PHF21B: variants seen among roughly 807,000 people sequenced by gnomAD.
The protein encoded by PHF21B is PHD finger protein 4.
In PHF21B, 22 loss-of-function variants were observed where a neutral mutation model predicts 62.2. The observed-to-expected ratio is 0.35, with a 90% CI of 0.25 to 0.51. The LOEUF (loss-of-function observed/expected upper bound fraction) is 0.51, where lower values mean the gene tolerates loss of function less well. Among genes scored for constraint, PHF21B ranks in the 20% least tolerant of loss-of-function variants. The pLI is 0.97. For missense variants in PHF21B, 701 were observed against 707.9 expected (o/e 0.99, Z 0.11); for synonymous variants, 341 against 314.7 (o/e 1.08, Z -0.88).
At chr22:44,921,371 CTTTTTTTTTTT>C (rs2071533346) in intron 2 of PHF21B, among the ~76,000 whole-genome samples, 18 of 135,046 alleles carry the variant, frequency 1.3e-4, no homozygotes, top group South Asian at 9.5e-4. Context: ...TTTTTTTTTT[CTTTTTTTTTTT>C]CTTGAGACGG....
At chr22:44,951,271 A>C (rs1352630066) in intron 2 of PHF21B, among the ~76,000 whole-genome samples, 2 of 152,286 alleles carry the variant, frequency 1.3e-5, no homozygotes, top group East Asian at 1.9e-4. Flanking sequence ...TTAGATTCTC[A>C]TAAGGAGTGC....
At chr22:44,887,071 G>A (rs1033792026) in intron 10 of PHF21B, among the ~76,000 whole-genome samples, 3 of 149,860 alleles carry the variant, frequency 2.0e-5, no homozygotes, top group Non-Finnish European at 4.4e-5. Flanking sequence ...CAGGAGAATC[G>A]CTTGAACCCA....
At chr22:44,998,926 T>G (rs1281438705) in intron 2 of PHF21B, among the ~76,000 whole-genome samples, 3 of 152,156 alleles carry the variant, frequency 2.0e-5, no homozygotes, top group Non-Finnish European at 4.4e-5. Context: ...GGACCCAGCC[T>G]GGCCTGCCCC....
Position 44,920,434 on chromosome 22 carries a change from C to G in PHF21B, c.177G>C (p.Gln59His), listed in dbSNP as rs780671181. The G allele has an allele frequency of 6.2e-7, 1 of 1,612,908 alleles. No individual in the cohort carries two copies. Among genetic ancestry groups the G allele is most frequent in the African/African-American group, 1.3e-5 (1 of 75,030 alleles). The change falls in exon 3 of 13, where the codon CAG becomes CAC. Residue 59 changes from glutamine (Q) to histidine (H), a missense_variant. Transcript: ENST00000313237. ...CTGCCGCTCCTTGCCCGGCCAACCT[C>G]TGCAAGGAGCTGACCTGAGGACCCG... is the stretch of plus-strand genomic sequence containing the variant. The part of the protein sequence containing the change: ...PVTGPQVSSL[Q>H]RLAGQGAAVL...
At chr22:44,981,546 G>A (rs1057214581) in intron 2 of PHF21B, among the ~76,000 whole-genome samples, 1 of 152,220 alleles carries the variant, frequency 6.6e-6, no homozygotes, top group Non-Finnish European at 1.5e-5. Flanking sequence ...AGGGAAATGT[G>A]ACTTTCCTGA....
intron 2 of PHF21B, among the ~76,000 whole-genome samples, chr22:44,983,375 G>A (rs1025773747): frequency 6.6e-6 from 1 of 152,174 alleles, no homozygotes; most frequent in Non-Finnish European, 1.5e-5. Flanking sequence ...GGCTCTTAGG[G>A]AGGTCCAGCT....
chr22:44,908,167 G>A (rs1272417503), intron 5 of PHF21B, among the ~76,000 whole-genome samples: 7 of 152,168 alleles, frequency 4.6e-5, no homozygotes, highest in African/African-American at 1.7e-4. Flanking sequence ...CTGACCAAAG[G>A]CAGAGATGGC....
chr22:44,950,812 C>T (rs57718555), intron 2 of PHF21B, among the ~76,000 whole-genome samples: 1,917 of 152,280 alleles, frequency 0.013, 51 homozygotes, highest in African/African-American at 0.044. Flanking sequence ...TGCTGTTTCA[C>T]CATTGGGCCT....
At position 44,882,560 on chromosome 22, in the gene PHF21B, G is replaced by T. The variant is rs1014635793; in HGVS notation, c.*526C>A. The T allele has an allele frequency of 1.5e-5, 2 of 133,166 alleles. No individual in the cohort carries two copies. The highest frequency in any genetic ancestry group is 3.3e-5 in the Non-Finnish European group (2 of 60,106). The allele number at this position is 133,166 out of a possible 1,614,324, so 8.2% of individuals were successfully genotyped here. On this transcript the variant is annotated 3_prime_UTR_variant, in exon 13 of 13. Coordinates refer to ENST00000313237, the MANE Select transcript of PHF21B (RefSeq NM_138415.5). ...CAGGCCCGCCCGCCCACCCCAGGGG[G>T]ACCTCCTAGGAGCGTGGGGCATTGA...
chr22:44,928,886 C>T lies in PHF21B; in HGVS notation c.121-8396G>A, dbSNP rs909608390. Reference sequence around the variant, plus strand: ...CCCTGGGGCTGCAGAGGCCCCCCACCCCTCACCGCTGAGGCCCCACTGCCG... The same window carrying T: ...CCCTGGGGCTGCAGAGGCCCCCCACTCCTCACCGCTGAGGCCCCACTGCCG... On this transcript the variant is annotated intron_variant, in intron 2 of 12. Coordinates refer to ENST00000313237, the MANE Select transcript of PHF21B (RefSeq NM_138415.5). 1.1e-4 allele frequency among the ~76,000 whole-genome samples: 17 copies of T among 152,334 alleles called. No individual in the cohort carries two copies. In the East Asian group the frequency reaches 2.9e-3, roughly 26 times the overall value.
chr22:45,009,308 C>T lies in PHF21B; in HGVS notation c.54+188G>A, dbSNP rs1601709574. 1.6e-6 allele frequency: 1 copy of T among 633,434 alleles called. No individual in the cohort carries two copies. The highest frequency in any genetic ancestry group is 2.6e-6 in the Non-Finnish European group (1 of 382,384). 39.2% of individuals were successfully genotyped at this position (633,434 alleles called of 1,614,324 possible). On this transcript the variant is annotated intron_variant, in intron 1 of 12. Coordinates refer to ENST00000313237, the MANE Select transcript of PHF21B (RefSeq NM_138415.5). This position sits in a 1 kb window ranked among gnomAD's most constrained non-coding sequence, Gnocchi z 5.9. Reference sequence around the variant, plus strand: ...TCCCGCAAACTGTGCAGGACAGCGCCAGGGGCAGGCGGAGGGGAGCCCAGA... The same window carrying T: ...TCCCGCAAACTGTGCAGGACAGCGCTAGGGGCAGGCGGAGGGGAGCCCAGA...
chr22:44,927,404 A>G (rs1352893597), intron 2 of PHF21B, among the ~76,000 whole-genome samples: 1 of 152,206 alleles, frequency 6.6e-6, no homozygotes, highest in Non-Finnish European at 1.5e-5. Context: ...AGGCAGGCAG[A>G]AAGAGTGGGC....
chr22:44,894,585 A>G (rs1414970148), intron 6 of PHF21B, among the ~76,000 whole-genome samples: 1 of 152,206 alleles, frequency 6.6e-6, no homozygotes, highest in Non-Finnish European at 1.5e-5. Flanking sequence ...TCACACCATC[A>G]GGCGGGGAGC....
intron 2 of PHF21B, among the ~76,000 whole-genome samples, chr22:44,938,760 TAGG>T (rs906840498): frequency 1.3e-5 from 2 of 152,174 alleles, no homozygotes; most frequent in African/African-American, 4.8e-5. Flanking sequence ...GTGCCATCTC[TAGG>T]AGGAGACCCA....
At chr22:44,956,048 A>G (rs767401506) in intron 2 of PHF21B, among the ~76,000 whole-genome samples, 4 of 152,040 alleles carry the variant, frequency 2.6e-5, no homozygotes, top group Non-Finnish European at 4.4e-5. Flanking sequence ...GTCTCCTCCC[A>G]CCCCACAACG....
intron 2 of PHF21B, among the ~76,000 whole-genome samples, chr22:44,961,030 C>T (rs891875730): frequency 5.5e-5 from 8 of 145,704 alleles, no homozygotes; most frequent in African/African-American, 2.0e-4. Context: ...GATCTCGGCT[C>T]ACTGCAACTT....
At chr22:44,885,981 G>A in intron 10 of PHF21B, 43 bp from the exon 11 acceptor site, 1 of 1,571,508 alleles carries the variant, frequency 6.4e-7, no homozygotes, top group Non-Finnish European at 8.7e-7. Flanking sequence ...CAGGCCCTGG[G>A]ACCTGCTGGG....
chr22:44,957,167 G>A (rs566099844), intron 2 of PHF21B, among the ~76,000 whole-genome samples: 10 of 152,320 alleles, frequency 6.6e-5, no homozygotes, highest in Middle Eastern at 3.4e-3. Context: ...CCTGGCTGTG[G>A]ACCCACAGCC....
chr22:44,932,393 G>T (rs2071760142), intron 2 of PHF21B, among the ~76,000 whole-genome samples: 1 of 152,154 alleles, frequency 6.6e-6, no homozygotes, highest in South Asian at 2.1e-4. Context: ...TAGCCAGGGG[G>T]CCCTGAACCC....
Sources: gnomAD v4.1 joint callset for allele counts (sites outside exome capture counted in the v4.1 genomes callset) on GRCh38, gnomAD v4.1.1 for gene constraint, Gnocchi (gnomAD v3.1) non-coding constraint, MANE v1.5 for transcripts, NCBI Gene and HGNC (gene_info 2026-07-23, HGNC 2026-07-21) for gene names.